Variants in SMARCA2 observed in about 807,000 individuals in gnomAD.
The protein encoded by SMARCA2 is SWI/SNF-related matrix-associated actin-dependent regulator of chromatin subfamily A member 2.
Under a neutral mutation model 199.8 loss-of-function variants are expected in SMARCA2, and 61 were observed. The observed-to-expected ratio is 0.31, with a 90% CI of 0.25 to 0.38. SMARCA2 has a LOEUF of 0.38. SMARCA2 is among the 10% of genes least tolerant of loss of function. The pLI is 1.00. For missense variants in SMARCA2, 1,344 were observed against 2,012.2 expected, an observed-to-expected ratio of 0.67 and a Z score of 6.35; for synonymous variants, 935 against 732.0, an observed-to-expected ratio of 1.28 and a Z score of -4.48.
intron 27 of SMARCA2, among the ~76,000 whole-genome samples, chr9:2,129,332 C>T (rs997399273): frequency 5.9e-5 from 9 of 152,112 alleles, no homozygotes; most frequent in Admixed American, 3.3e-4. Flanking sequence ...GCAGGGGAAT[C>T]GCTTGAACCC....
chr9:2,190,654 G>C (rs1827815370), intron 32 of SMARCA2, among the ~76,000 whole-genome samples: 1 of 152,084 alleles, frequency 6.6e-6, no homozygotes, highest in South Asian at 2.1e-4. Context: ...TACACACAGA[G>C]AGAGAGAAAT....
At chr9:2,147,958 C>T (rs1365758021) in intron 27 of SMARCA2, among the ~76,000 whole-genome samples, 1 of 151,560 alleles carries the variant, frequency 6.6e-6, no homozygotes, top group Non-Finnish European at 1.5e-5. Flanking sequence ...CTCAGCCTCC[C>T]AGAGTGCTGG....
At chr9:2,167,941 A>T (rs1410354312) in intron 28 of SMARCA2, among the ~76,000 whole-genome samples, 1 of 152,072 alleles carries the variant, frequency 6.6e-6, no homozygotes, top group Non-Finnish European at 1.5e-5. Flanking sequence ...GAGCCCCATT[A>T]TCTGAGGATA....
chr9:2,177,390 G>A (rs1826682737), intron 29 of SMARCA2, among the ~76,000 whole-genome samples: 1 of 152,010 alleles, frequency 6.6e-6, no homozygotes, highest in African/African-American at 2.4e-5. Flanking sequence ...TTTCAGCTAT[G>A]GTTAAGATTT....
In SMARCA2 at chr9:2,058,512, G is replaced by T. The variant is rs78890392; in HGVS notation, c.1521+48G>T. ...CCAGGAAACTACTCAACCCACGTCC[G>T]TCTGCAATGAGACCATTAAATATGG... On this transcript the variant is annotated intron_variant, in intron 8 of 33. Transcript: ENST00000349721. 3 of 1,485,586 alleles carry T rather than the reference G, an allele frequency of 2.0e-6. No homozygotes were observed. In the East Asian group the frequency reaches 6.8e-5, roughly 34 times the overall value. The allele number at this position is 1,485,586 out of a possible 1,614,324, so 92.0% of individuals were successfully genotyped here. A position where few individuals can be genotyped will look rare whatever the true frequency, so the allele number is the denominator to read the frequency against.
chr9:2,069,264 A>G (rs1260638566), intron 9 of SMARCA2, among the ~76,000 whole-genome samples: 2 of 151,842 alleles, frequency 1.3e-5, no homozygotes, highest in Non-Finnish European at 1.5e-5. Context: ...TGAGGCACAT[A>G]GAAGTTAATG....
intron 3 of SMARCA2, among the ~76,000 whole-genome samples, chr9:2,033,969 G>A (rs1053336176): frequency 3.3e-5 from 5 of 152,170 alleles, no homozygotes; most frequent in Admixed American, 6.5e-5. Context: ...GTTTCAGGCC[G>A]GGCCTGGTGG....
intron 27 of SMARCA2, among the ~76,000 whole-genome samples, chr9:2,127,124 A>C (rs1823730711): frequency 1.3e-5 from 2 of 152,080 alleles, no homozygotes. Context: ...GCACCTTCAC[A>C]GATAAATATT....
At chr9:2,150,060 G>C (rs1824982346) in intron 27 of SMARCA2, among the ~76,000 whole-genome samples, 1 of 151,504 alleles carries the variant, frequency 6.6e-6, no homozygotes, top group South Asian at 2.1e-4. Context: ...ACATGTATGT[G>C]AGTACATGCG....
chr9:2,069,449 C>G (rs926942386), intron 9 of SMARCA2, among the ~76,000 whole-genome samples: 1 of 151,390 alleles, frequency 6.6e-6, no homozygotes, highest in East Asian at 2.0e-4. Context: ...GTCCCAGCTA[C>G]TTGGGAGGCT....
At chr9:2,168,853 C>T (rs1826077581) in intron 28 of SMARCA2, among the ~76,000 whole-genome samples, 1 of 152,062 alleles carries the variant, frequency 6.6e-6, no homozygotes, top group Admixed American at 6.5e-5. Context: ...TTTGGTTGTT[C>T]AGAACCCACT....
chr9:2,078,045 C>T (rs1821403778), intron 14 of SMARCA2, among the ~76,000 whole-genome samples: 2 of 152,204 alleles, frequency 1.3e-5, no homozygotes, highest in African/African-American at 2.4e-5. Context: ...AACCCAGCCA[C>T]ATTCTATTAA....
intron 3 of SMARCA2, among the ~76,000 whole-genome samples, chr9:2,037,931 A>T (rs934547746): frequency 6.6e-6 from 1 of 152,170 alleles, no homozygotes; most frequent in East Asian, 1.9e-4. Flanking sequence ...TAGGAATTCT[A>T]TGGCCAAGCT....
chr9:2,106,472 A>T (rs562286274), intron 23 of SMARCA2, among the ~76,000 whole-genome samples: 161 of 152,314 alleles, frequency 1.1e-3, no homozygotes, highest in African/African-American at 3.7e-3. Flanking sequence ...TTACAGATGG[A>T]ATTGAAAAGG....
At chr9:2,131,022 C>T (rs1463756560) in intron 27 of SMARCA2, among the ~76,000 whole-genome samples, 1 of 152,214 alleles carries the variant, frequency 6.6e-6, no homozygotes, top group African/African-American at 2.4e-5. Context: ...TTTTACTATT[C>T]TTCCTGTTCC....
intron 1 of SMARCA2, among the ~76,000 whole-genome samples, chr9:2,018,843 G>C (rs1563708770): frequency 6.6e-6 from 1 of 152,164 alleles, no homozygotes; most frequent in African/African-American, 2.4e-5. Context: ...TCTGTTATCA[G>C]GGGGGCCACA....
chr9:2,103,110 G>C (rs1432906822), intron 22 of SMARCA2, among the ~76,000 whole-genome samples: 1 of 151,896 alleles, frequency 6.6e-6, no homozygotes, highest in African/African-American at 2.4e-5. Flanking sequence ...CATTATTTCA[G>C]GTTTTAGCTA....
chr9:2,046,392 G>C (rs757869121), intron 4 of SMARCA2, among the ~76,000 whole-genome samples: 3 of 152,238 alleles, frequency 2.0e-5, no homozygotes, highest in African/African-American at 7.2e-5. Context: ...TGGTAACATG[G>C]GATAATGCTC....
chr9:2,161,698 G>T lies in SMARCA2; in HGVS notation c.3994G>T (p.Gly1332Cys). Residue 1332 changes from glycine (G) to cysteine (C), a missense_variant, in exon 28 of 34, where the codon GGC becomes TGC. Around this residue, in one of 18 missense-constraint regions of SMARCA2, gnomAD observed 16 missense variants for 29.7 expected, o/e 0.54. Transcript: ENST00000349721. This position sits in a 1 kb window ranked among gnomAD's most constrained non-coding sequence, Gnocchi z 4.7. Reference sequence around the variant, plus strand: ...TTCCAACGAACAGGCCATCGAAGACGGCAATTTGGAGGAAATGGAAGAGGA... The same window carrying T: ...TTCCAACGAACAGGCCATCGAAGACTGCAATTTGGAGGAAATGGAAGAGGA... ...EKQWLRAIED[G>C]NLEEMEEEVR... 6.2e-7 allele frequency: 1 copy of T among 1,613,482 alleles called. No homozygotes were observed. The highest frequency in any genetic ancestry group is 8.5e-7 in the Non-Finnish European group (1 of 1,179,634).
Sources: allele counts gnomAD v4.1 joint callset (sites outside exome capture counted in the v4.1 genomes callset), GRCh38; gene constraint gnomAD v4.1.1; regional missense constraint gnomAD v4.1.1; non-coding constraint Gnocchi (gnomAD v3.1); transcripts MANE v1.5; gene names NCBI Gene and HGNC (gene_info 2026-07-23, HGNC 2026-07-21).